The following CNTNAP2 variants were observed in gnomAD, a reference collection of about 807,000 sequenced individuals.
CNTNAP2 encodes contactin associated protein 2.
In CNTNAP2, 98 loss-of-function variants were observed where a neutral mutation model predicts 155.2. The observed-to-expected ratio is 0.63, with a 90% CI of 0.54 to 0.75. The LOEUF is 0.75. Among genes scored for constraint, CNTNAP2 ranks in the 30% least tolerant of loss-of-function variants. The probability of loss-of-function intolerance (pLI) is 0.00; values close to 1 mark genes in which losing one functional copy is unlikely to be tolerated. For missense variants in CNTNAP2, 1,727 were observed against 1,688.1 expected (o/e 1.02, Z -0.40); for synonymous variants, 651 against 631.2 (o/e 1.03, Z -0.47).
intron 21 of CNTNAP2, among the ~76,000 whole-genome samples, chr7:148,297,040 G>A (rs1474083679): frequency 6.6e-6 from 1 of 151,840 alleles, no homozygotes; most frequent in Non-Finnish European, 1.5e-5. Flanking sequence ...ACAGTCCATA[G>A]GAACATATAT....
chr7:146,273,454 C>T (rs1257845039), intron 1 of CNTNAP2, among the ~76,000 whole-genome samples: 1 of 152,118 alleles, frequency 6.6e-6, no homozygotes, highest in Non-Finnish European at 1.5e-5. Flanking sequence ...GTCTCAAATA[C>T]TCAATCCTGT....
At chr7:147,430,692 C>G (rs73475124) in intron 10 of CNTNAP2, among the ~76,000 whole-genome samples, 3,150 of 152,092 alleles carry the variant, frequency 0.021, 118 homozygotes, top group African/African-American at 0.072. Flanking sequence ...TATGATGAGT[C>G]CAACTAGGAC....
chr7:147,090,428 T>C (rs948009908), intron 4 of CNTNAP2, among the ~76,000 whole-genome samples: 1 of 151,952 alleles, frequency 6.6e-6, no homozygotes, highest in African/African-American at 2.4e-5. Flanking sequence ...GAGGGAAATA[T>C]GACATGTTTT....
At chr7:148,188,428 C>A (rs1795155029) in intron 18 of CNTNAP2, among the ~76,000 whole-genome samples, 1 of 152,182 alleles carries the variant, frequency 6.6e-6, no homozygotes, top group African/African-American at 2.4e-5. Context: ...ATTGGACAAG[C>A]TTTGAGGAGA....
intron 9 of CNTNAP2, among the ~76,000 whole-genome samples, chr7:147,360,053 A>G (rs1216586281): frequency 2.0e-5 from 3 of 152,168 alleles, no homozygotes; most frequent in South Asian, 4.1e-4. Flanking sequence ...ACAATCGTAT[A>G]TTAAAGATAG....
intron 4 of CNTNAP2, among the ~76,000 whole-genome samples, chr7:147,062,696 C>A (rs73467075): frequency 0.06 from 9,168 of 152,080 alleles, 715 homozygotes; most frequent in African/African-American, 0.18. Flanking sequence ...CATATTAGCC[C>A]TTATTATTAT....
At chr7:147,756,165 T>C (rs956094553) in intron 13 of CNTNAP2, among the ~76,000 whole-genome samples, 2 of 152,228 alleles carry the variant, frequency 1.3e-5, no homozygotes, top group Non-Finnish European at 2.9e-5. Flanking sequence ...TTCTGAAATA[T>C]AATTTTCAGA....
intron 9 of CNTNAP2, among the ~76,000 whole-genome samples, chr7:147,339,281 C>A (rs1795718345): frequency 6.6e-6 from 1 of 152,040 alleles, no homozygotes; most frequent in Non-Finnish European, 1.5e-5. Flanking sequence ...TCCATGGGGG[C>A]AGTTTTCTCA....
intron 21 of CNTNAP2, among the ~76,000 whole-genome samples, chr7:148,280,792 G>C (rs1370827222): frequency 6.6e-6 from 1 of 152,028 alleles, no homozygotes; most frequent in East Asian, 1.9e-4. Flanking sequence ...GATGGCGGGA[G>C]CCTGTAATCT....
At chr7:146,722,869 G>T (rs1459440763) in intron 1 of CNTNAP2, among the ~76,000 whole-genome samples, 3 of 152,038 alleles carry the variant, frequency 2.0e-5, no homozygotes, top group Non-Finnish European at 4.4e-5. Flanking sequence ...ACAAAAATTA[G>T]CTGGGCATAG....
At chr7:147,065,874 A>G (rs1336290082) in intron 4 of CNTNAP2, among the ~76,000 whole-genome samples, 2 of 152,196 alleles carry the variant, frequency 1.3e-5, no homozygotes, top group Non-Finnish European at 2.9e-5. Context: ...ATTTTAGTCA[A>G]TATTAAAATT....
chr7:146,364,559 T>C (rs1439009891), intron 1 of CNTNAP2, among the ~76,000 whole-genome samples: 4 of 152,210 alleles, frequency 2.6e-5, no homozygotes, highest in African/African-American at 9.6e-5. Flanking sequence ...GAAACTGTAA[T>C]GATTAAAATT....
At chr7:146,633,556 C>T (rs1286176002) in intron 1 of CNTNAP2, among the ~76,000 whole-genome samples, 2 of 151,844 alleles carry the variant, frequency 1.3e-5, no homozygotes, top group Admixed American at 6.6e-5. Flanking sequence ...CAAATGCTGC[C>T]GTTATCTGAA....
chr7:146,138,643 T>C (rs1184500279), intron 1 of CNTNAP2, among the ~76,000 whole-genome samples: 2 of 152,128 alleles, frequency 1.3e-5, no homozygotes, highest in East Asian at 3.9e-4. Context: ...TTTGATCCTC[T>C]ATATCTCTAA....
chr7:146,642,572 G>T (rs1423683214), intron 1 of CNTNAP2, among the ~76,000 whole-genome samples: 1 of 151,314 alleles, frequency 6.6e-6, no homozygotes, highest in African/African-American at 2.4e-5. Flanking sequence ...TGGACATTTG[G>T]GTTGGTTCCA....
chr7:146,628,859 C>T (rs1252235992), intron 1 of CNTNAP2, among the ~76,000 whole-genome samples: 5 of 152,108 alleles, frequency 3.3e-5, no homozygotes, highest in Non-Finnish European at 7.4e-5. Flanking sequence ...ATATTTTGCC[C>T]ACATTACTTG....
At chr7:147,770,273 TG>T (rs754327852) in intron 13 of CNTNAP2, among the ~76,000 whole-genome samples, 32 of 152,356 alleles carry the variant, frequency 2.1e-4, no homozygotes, top group Non-Finnish European at 3.4e-4. Flanking sequence ...ATAGTGTTGT[TG>T]TTTTTTTAAA....
At chr7:147,203,498 C>T (rs372003564) in intron 8 of CNTNAP2, among the ~76,000 whole-genome samples, 21 of 152,306 alleles carry the variant, frequency 1.4e-4, no homozygotes, top group African/African-American at 5.1e-4. Context: ...TTCCAAAGTG[C>T]TGGGATTACA....
At chr7:146,801,431 C>A (rs926335488) in intron 2 of CNTNAP2, among the ~76,000 whole-genome samples, 1 of 152,028 alleles carries the variant, frequency 6.6e-6, no homozygotes, top group Non-Finnish European at 1.5e-5. Context: ...TTCATATTAC[C>A]AATGAAGGTA....
Sources: allele counts gnomAD v4.1 joint callset (sites outside exome capture counted in the v4.1 genomes callset), GRCh38; gene constraint gnomAD v4.1.1; transcripts MANE v1.5; gene names NCBI Gene and HGNC (gene_info 2026-07-23, HGNC 2026-07-21).